Variants in TMEM260 observed in about 807,000 individuals in gnomAD.
The protein encoded by TMEM260 is protein O-mannosyl-transferase TMEM260.
A neutral mutation model predicts 88.9 loss-of-function variants in TMEM260; 82 were observed. That is an observed-to-expected ratio of 0.92 (90% CI 0.77 to 1.11). The LOEUF (loss-of-function observed/expected upper bound fraction) is 1.11. Ranked by LOEUF, TMEM260 falls within the 50% of genes least tolerant of loss-of-function variation. The probability of loss-of-function intolerance (pLI) is 0.00; values close to 1 mark genes in which losing one functional copy is unlikely to be tolerated. For synonymous variants in TMEM260, 314 were observed against 309.3 expected, an observed-to-expected ratio of 1.02 and a Z score of -0.16; for missense variants, 902 against 853.4, an observed-to-expected ratio of 1.06 and a Z score of -0.71.
chr14:56,652,529 CT>C (rs1242150577), downstream of TMEM260, among the ~76,000 whole-genome samples: 1 of 150,966 alleles, frequency 6.6e-6, no homozygotes, highest in African/African-American at 2.4e-5. Flanking sequence ...AACTCAAGAG[CT>C]TTTAAAAATT....
chr14:56,632,333 C>A (rs1360301935), intron 12 of TMEM260, among the ~76,000 whole-genome samples: 1 of 152,200 alleles, frequency 6.6e-6, no homozygotes, highest in Non-Finnish European at 1.5e-5. Context: ...ATTTGCCCCA[C>A]ACTCTTGGAA....
chr14:56,621,511 T>G lies in TMEM260; in HGVS notation c.1227-20T>G. The stretch of plus-strand genomic sequence containing the variant: ...TAGCAAAGTGTTGCTATTTTAATTT[T>G]TTTGGATCCTTTTATTTAGTGTTTG... On this transcript the variant is annotated intron_variant, in intron 10 of 15. Coordinates refer to ENST00000261556, the MANE Select transcript of TMEM260 (RefSeq NM_017799.4). 2 of 1,576,002 alleles carry G rather than the reference T, an allele frequency of 1.3e-6. No homozygotes were observed. The highest frequency in any genetic ancestry group is 1.2e-5 in the South Asian group (1 of 83,798).
intron 10 of TMEM260, chr14:56,619,476 A>G (rs1249179350): frequency 1.3e-5 from 2 of 152,184 alleles, no homozygotes; most frequent in Non-Finnish European, 2.9e-5. Context: ...ACCAGCCTTA[A>G]TTATTTTTAA....
chr14:56,594,739 G>T (rs1886099944), intron 3 of TMEM260, among the ~76,000 whole-genome samples: 1 of 152,106 alleles, frequency 6.6e-6, no homozygotes, highest in South Asian at 2.1e-4. Flanking sequence ...AATAATGTCA[G>T]GTTGGACATT....
At chr14:56,656,446 C>A in the TMEM260 span, among the ~76,000 whole-genome samples, 1 of 152,044 alleles carries the variant, frequency 6.6e-6, no homozygotes, top group African/African-American at 2.4e-5. Context: ...AAATAAAGCT[C>A]TGTGTGGCTT....
chr14:56,614,981 C>A (rs1049155092), intron 7 of TMEM260, among the ~76,000 whole-genome samples: 1 of 152,180 alleles, frequency 6.6e-6, no homozygotes, highest in Non-Finnish European at 1.5e-5. Flanking sequence ...TTGAATCTAA[C>A]CTTAGGCAGT....
At position 56,579,989 on chromosome 14, in the gene TMEM260, C is replaced by T. The variant is rs568060358; in HGVS notation, c.75C>T (p.Gly25=). 1.1e-4 allele frequency: 134 copies of T among 1,245,856 alleles called. No homozygotes were observed. The African/African-American group carries it at 1.6e-3, about 15-fold the overall frequency. 77.2% of individuals were successfully genotyped at this position (1,245,856 alleles called of 1,614,324 possible). A position where few individuals can be genotyped will look rare whatever the true frequency, so the allele number is the denominator to read the frequency against. The change falls in exon 1 of 16, where the codon GGC becomes GGT. Residue 25 remains glycine, a synonymous_variant. Coordinates refer to ENST00000261556, the MANE Select transcript of TMEM260 (RefSeq NM_017799.4). The stretch of plus-strand genomic sequence containing the variant: ...GAGTGGGGCTGCGGCGCTCCGGGGG[C>T]ATCCGCGGCGGCGTGGCGGTGTTCG... ...AVRVGLRRSG[G]IRGGVAVFAA...
the TMEM260 span, among the ~76,000 whole-genome samples, chr14:56,659,582 C>T: frequency 2.0e-5 from 3 of 152,242 alleles, no homozygotes; most frequent in South Asian, 2.1e-4. Flanking sequence ...TGGGAGGCTC[C>T]GGAGAGGCCG....
chr14:56,658,027 G>A, the TMEM260 span, among the ~76,000 whole-genome samples: 1 of 152,266 alleles, frequency 6.6e-6, no homozygotes, highest in South Asian at 2.1e-4. Context: ...AAGGAGGCGA[G>A]AGGTAATAAA....
At chr14:56,582,629 T>A (rs1221167914) in intron 1 of TMEM260, among the ~76,000 whole-genome samples, 2 of 152,164 alleles carry the variant, frequency 1.3e-5, no homozygotes, top group Non-Finnish European at 2.9e-5. Context: ...CAAGTGGGTC[T>A]TAGTAGATTA....
At chr14:56,643,168 C>A (rs1010094827) in intron 15 of TMEM260, among the ~76,000 whole-genome samples, 2 of 152,184 alleles carry the variant, frequency 1.3e-5, no homozygotes, top group Non-Finnish European at 2.9e-5. Flanking sequence ...TTTTATGAGG[C>A]CAGCATCATC....
chr14:56,636,651 G>A (rs2139636951), intron 15 of TMEM260, 53 bp downstream of exon 15: 1 of 1,487,838 alleles, frequency 6.7e-7, no homozygotes, highest in South Asian at 1.1e-5. Context: ...GAAGGTGATG[G>A]TGATTGTTCA....
chr14:56,660,795 G>T, the TMEM260 span, among the ~76,000 whole-genome samples: 95,351 of 151,526 alleles, frequency 0.63, 30,283 homozygotes, highest in East Asian at 0.81. Flanking sequence ...TCTCTGTCTC[G>T]CTCTCTCTTC....
At chr14:56,621,866 C>CT (rs1013230688) in intron 11 of TMEM260, among the ~76,000 whole-genome samples, 164 bp downstream of exon 11, 2 of 151,936 alleles carry the variant, frequency 1.3e-5, no homozygotes, top group African/African-American at 2.4e-5. Flanking sequence ...TATGGGCATA[C>CT]TTTTTTTTAT....
At chr14:56,609,085 A>G (rs1450130085) in intron 5 of TMEM260, 21 bp from the exon 6 acceptor site, 3 of 1,610,340 alleles carry the variant, frequency 1.9e-6, no homozygotes, top group Non-Finnish European at 1.7e-6. Flanking sequence ...TTGTTATACC[A>G]CCCAATGTGC....
At chr14:56,643,258 C>T (rs1004537349) in intron 15 of TMEM260, among the ~76,000 whole-genome samples, 2 of 152,186 alleles carry the variant, frequency 1.3e-5, no homozygotes, top group South Asian at 2.1e-4. Context: ...CAAAAATCCT[C>T]AATAAAATAC....
intron 6 of TMEM260, 74 bp downstream of exon 6, chr14:56,609,359 A>G: frequency 2.9e-6 from 4 of 1,376,634 alleles, no homozygotes; most frequent in African/African-American, 1.4e-5. Context: ...CCTTGATTAA[A>G]AAAACAATAT....
chr14:56,609,221 A>T lies in TMEM260; in HGVS notation c.752A>T (p.Asp251Val), dbSNP rs200360003. The T allele has an allele frequency of 1.1e-5, 18 of 1,614,042 alleles. No individual in the cohort carries two copies. The East Asian group carries it at 3.1e-4, about 28-fold the overall frequency. The change falls in exon 6 of 16, where the codon GAC becomes GTC. Residue 251 changes from aspartate (D) to valine (V), a missense_variant. By Grantham distance (152) the Asp-to-Val change is radical (BLOSUM62 -3). Coordinates refer to ENST00000261556, the MANE Select transcript of TMEM260 (RefSeq NM_017799.4). ...YLNHARWTWGDQTTLQGFLTH... is the reference protein window; with the variant it reads ...YLNHARWTWGVQTTLQGFLTH... ...AATCACGCCCGGTGGACCTGGGGAG[A>T]CCAGACAACACTGCAAGGATTTTTG...
Position 56,615,787 on chromosome 14 carries a change from C to T in TMEM260, c.858-157C>T, listed in dbSNP as rs1887556110. On this transcript the variant is annotated intron_variant, in intron 7 of 15. Coordinates refer to ENST00000261556, the MANE Select transcript of TMEM260 (RefSeq NM_017799.4). ...TGGAACTATTTAAGTCTTTCTATTG[C>T]ACTTTTTCTTCCAACTTTAAAAGAC... 5 of 582,794 alleles carry T rather than the reference C, an allele frequency of 8.6e-6. No individual in the cohort carries two copies. The East Asian group carries it at 1.3e-4, about 16-fold the overall frequency. The allele number at this position is 582,794 out of a possible 1,614,324, so 36.1% of individuals were successfully genotyped here.
Sources: gnomAD v4.1 joint callset for allele counts (sites outside exome capture counted in the v4.1 genomes callset) on GRCh38, gnomAD v4.1.1 for gene constraint, MANE v1.5 for transcripts, NCBI Gene and HGNC (gene_info 2026-07-23, HGNC 2026-07-21) for gene names.